TMC7: variants seen among roughly 807,000 people sequenced by gnomAD.
TMC7 encodes the protein transmembrane channel like 7.
TMC7 carries 54 observed loss-of-function variants against 82.9 expected under a neutral mutation model. The observed-to-expected ratio is 0.65, with a 90% CI of 0.52 to 0.82. TMC7 has a LOEUF of 0.82. Ranked by LOEUF, TMC7 falls within the 40% of genes least tolerant of loss-of-function variation. The pLI is 0.00. For synonymous variants in TMC7, 350 were observed against 337.9 expected (o/e 1.04, Z -0.39); for missense variants, 820 against 901.2 (o/e 0.91, Z 1.15).
At chr16:19,037,842 C>A in intron 7 of TMC7, 32 bp from the exon 8 acceptor site, 1 of 1,597,648 alleles carries the variant, frequency 6.3e-7, no homozygotes, top group Non-Finnish European at 8.5e-7. Flanking sequence ...CTTCATCCCA[C>A]TGCTCACAAG....
chr16:19,056,508 C>A, intron 13 of TMC7, 34 bp from the exon 14 acceptor site: 1 of 1,605,006 alleles, frequency 6.2e-7, no homozygotes, highest in Non-Finnish European at 8.5e-7. Context: ...GTGCTGCACG[C>A]TCCTTCTGAG....
rs2142195902 is a variant in TMC7 at position 19,016,574 on chromosome 16, C to CG, written c.439dup (p.Glu147GlyfsTer65). 4 of 1,613,860 alleles carry CG rather than the reference C, an allele frequency of 2.5e-6. No homozygotes were observed. The highest frequency in any genetic ancestry group is 3.4e-6 in the Non-Finnish European group (4 of 1,179,978). On this transcript the variant is annotated frameshift_variant, in exon 3 of 16. Coordinates refer to ENST00000304381, the MANE Select transcript of TMC7 (RefSeq NM_024847.4). LOFTEE classifies it high-confidence loss of function. The stretch of plus-strand genomic sequence containing the variant: ...GATGACGACCCACCTGGAGCTGTGG[C>CG]GGGAGGACATCCGCAGCATAGAAGG...
intron 1 of TMC7, among the ~76,000 whole-genome samples, chr16:19,006,777 C>A (rs181829790): frequency 1.3e-5 from 2 of 152,132 alleles, no homozygotes; most frequent in African/African-American, 4.8e-5. Flanking sequence ...CTCATCATGG[C>A]GATGCCTGGT....
intron 1 of TMC7, among the ~76,000 whole-genome samples, chr16:19,003,411 G>A (rs1448978010): frequency 6.7e-6 from 1 of 149,170 alleles, no homozygotes. Flanking sequence ...GAGGTGGGGG[G>A]GGTCAGCCCC....
At chr16:19,059,639 C>T in intron 15 of TMC7, 145 bp downstream of exon 15, 1 of 1,561,090 alleles carries the variant, frequency 6.4e-7, no homozygotes. Flanking sequence ...TGAGGCCCAG[C>T]CGCGTCCAGC....
At chr16:19,058,432 A>C (rs1961866887) in intron 14 of TMC7, among the ~76,000 whole-genome samples, 1 of 152,144 alleles carries the variant, frequency 6.6e-6, no homozygotes, top group Admixed American at 6.6e-5. Context: ...CCAAGCTTGC[A>C]AACACTGGGT....
chr16:19,035,627 C>G (rs1351655505), intron 6 of TMC7, 49 bp from the exon 7 acceptor site: 4 of 1,612,318 alleles, frequency 2.5e-6, no homozygotes, highest in Non-Finnish European at 2.5e-6. Flanking sequence ...TCAGGGGACT[C>G]TCTTTTGCTG....
intron 4 of TMC7, among the ~76,000 whole-genome samples, chr16:19,022,088 T>C (rs1960006679): frequency 6.6e-6 from 1 of 152,182 alleles, no homozygotes; most frequent in African/African-American, 2.4e-5. Flanking sequence ...CCCAAGCTGA[T>C]GGAGCAGCCT....
At chr16:18,999,346 G>A (rs551077082) in intron 1 of TMC7, among the ~76,000 whole-genome samples, 8 of 152,220 alleles carry the variant, frequency 5.3e-5, no homozygotes, top group Non-Finnish European at 1.0e-4. Flanking sequence ...AGTGGCCACT[G>A]TATTGGACAG....
At chr16:18,993,053 T>G (rs1458057156) in intron 1 of TMC7, among the ~76,000 whole-genome samples, 2 of 152,212 alleles carry the variant, frequency 1.3e-5, no homozygotes, top group Admixed American at 1.3e-4. Context: ...CTTTGTTCTT[T>G]TGAAAGCCAG....
rs146443252 is a variant in TMC7, at chr16:19,031,602, C to T, written c.857+1233C>T. On this transcript the variant is annotated intron_variant, in intron 6 of 15. Transcript: ENST00000304381. ...AGGAGAATCACTTGAACCTGGGAGG[C>T]GGAGGTTGCAGTGAGCCAAGATCGT... Among the ~76,000 whole-genome samples the T allele has an allele frequency of 1.4e-3, 218 of 152,164 alleles. 1 individual carries two copies. The highest frequency in any genetic ancestry group is 2.7e-3 in the Non-Finnish European group (181 of 68,012).
At chr16:19,058,941 G>C (rs773183650) in intron 14 of TMC7, among the ~76,000 whole-genome samples, 1 of 151,988 alleles carries the variant, frequency 6.6e-6, no homozygotes, top group African/African-American at 2.4e-5. Context: ...GCAGTGATGC[G>C]ATCTCAGCTC....
At chr16:19,038,093 A>T in intron 8 of TMC7, 46 bp downstream of exon 8, 1 of 1,565,114 alleles carries the variant, frequency 6.4e-7, no homozygotes, top group Non-Finnish European at 8.7e-7. Flanking sequence ...TAGTGCACTG[A>T]AAATCTGTGA....
chr16:19,059,259 C>T (rs959372176), intron 14 of TMC7, among the ~76,000 whole-genome samples, 157 bp from the exon 15 acceptor site: 1 of 152,180 alleles, frequency 6.6e-6, no homozygotes, highest in African/African-American at 2.4e-5. Context: ...GATCCTTCTG[C>T]CTGGGCAAAG....
At chr16:19,000,648 G>C (rs1301637926) in intron 1 of TMC7, among the ~76,000 whole-genome samples, 2 of 152,172 alleles carry the variant, frequency 1.3e-5, no homozygotes, top group Non-Finnish European at 2.9e-5. Context: ...GGTTTGTGTA[G>C]AGTACCTGAA....
At chr16:19,046,265 A>G (rs148262571) in intron 11 of TMC7, among the ~76,000 whole-genome samples, 484 of 152,286 alleles carry the variant, frequency 3.2e-3, no homozygotes, top group African/African-American at 0.011. Flanking sequence ...TGGGCAAGTT[A>G]TTTAAGCTCT....
chr16:18,988,110 A>G (rs1428485916), intron 1 of TMC7, among the ~76,000 whole-genome samples: 1 of 150,990 alleles, frequency 6.6e-6, no homozygotes, highest in Admixed American at 6.6e-5. Flanking sequence ...CTGGGACTAC[A>G]GGTGCATGCA....
chr16:19,056,773 T>A, intron 14 of TMC7, 76 bp downstream of exon 14: 2 of 1,524,074 alleles, frequency 1.3e-6, no homozygotes, highest in Non-Finnish European at 1.8e-6. Flanking sequence ...CGGGGCGGGG[T>A]CACCCTAGAC....
Position 19,021,806 on chromosome 16 carries a change from A to G in TMC7, c.628+10A>G, listed in dbSNP as rs763412912. Reference sequence around the variant, plus strand: ...CCTTTCAAAGACATGGGTGAGTGTAAGGCCTGGTTTACTACGAAGTGTGTT... The same window carrying G: ...CCTTTCAAAGACATGGGTGAGTGTAGGGCCTGGTTTACTACGAAGTGTGTT... On this transcript the variant is annotated intron_variant, in intron 4 of 15. Coordinates refer to ENST00000304381, the MANE Select transcript of TMC7 (RefSeq NM_024847.4). The G allele has an allele frequency of 1.2e-6, 2 of 1,613,338 alleles. No homozygotes were observed. Among genetic ancestry groups the G allele is most frequent in the African/African-American group, 2.7e-5 (2 of 74,910 alleles).
Sources: allele counts gnomAD v4.1 joint callset (sites outside exome capture counted in the v4.1 genomes callset), GRCh38; gene constraint gnomAD v4.1.1; transcripts MANE v1.5; gene names NCBI Gene and HGNC (gene_info 2026-07-23, HGNC 2026-07-21).